ASF1A: variants seen among roughly 807,000 people sequenced by gnomAD.
The protein encoded by ASF1A is anti-silencing function 1A histone chaperone.
ASF1A carries 5 observed loss-of-function variants against 22.0 expected under a neutral mutation model. The observed-to-expected ratio is 0.23, with a 90% CI of 0.12 to 0.48. The LOEUF (loss-of-function observed/expected upper bound fraction) is 0.48. Among genes scored for constraint, ASF1A ranks in the 20% least tolerant of loss-of-function variants. The probability of loss-of-function intolerance (pLI) is 0.99; values close to 1 mark genes in which losing one functional copy is unlikely to be tolerated. For missense variants in ASF1A, 137 were observed against 240.6 expected, an observed-to-expected ratio of 0.57 and a Z score of 2.85; for synonymous variants, 97 against 86.7, an observed-to-expected ratio of 1.12 and a Z score of -0.66.
intron 1 of ASF1A, among the ~76,000 whole-genome samples, chr6:118,896,451 G>A (rs1284114017): frequency 6.6e-5 from 10 of 152,120 alleles, no homozygotes; most frequent in Admixed American, 6.5e-4. Flanking sequence ...GACTCAGGAT[G>A]TCGTTACAGG....
In ASF1A at chr6:118,908,984, A is replaced by T. The variant is rs41292548; in HGVS notation, c.*1370A>T. The stretch of plus-strand genomic sequence containing the variant: ...TGAATTTGTGAAGCAAAGTTTTGCC[A>T]GATGTTAAACTTTGAATTTAATATA... On this transcript the variant is annotated 3_prime_UTR_variant, in exon 4 of 4. Transcript: ENST00000229595. The T allele has an allele frequency of 6.5e-6, 1 of 152,720 alleles. No individual in the cohort carries two copies. Among genetic ancestry groups the T allele is most frequent in the Non-Finnish European group, 1.5e-5 (1 of 68,010 alleles). The allele number at this position is 152,720 out of a possible 1,614,324, so 9.5% of individuals were successfully genotyped here. A position where few individuals can be genotyped will look rare whatever the true frequency, so the allele number is the denominator to read the frequency against.
In ASF1A at chr6:118,907,734, A is replaced by G. The variant is rs1254605290; in HGVS notation, c.*120A>G. The G allele has an allele frequency of 1.3e-6, 1 of 747,572 alleles. No homozygotes were observed. The highest frequency in any genetic ancestry group is 3.0e-5 in the Admixed American group (1 of 33,510). 46.3% of individuals were successfully genotyped at this position (747,572 alleles called of 1,614,324 possible). A position where few individuals can be genotyped will look rare whatever the true frequency, so the allele number is the denominator to read the frequency against. On this transcript the variant is annotated 3_prime_UTR_variant, in exon 4 of 4. Transcript: ENST00000229595. ...AAGAATTTGTTTAAAAACATCCTGT[A>G]GAAAGTTTATAAGAAAACCAGTATT...
intron 1 of ASF1A, among the ~76,000 whole-genome samples, chr6:118,896,647 T>A (rs936430557): frequency 3.3e-5 from 5 of 152,144 alleles, no homozygotes; most frequent in African/African-American, 9.7e-5. Context: ...TTTAGTATTT[T>A]AAAAAATATT....
chr6:118,899,095 T>TGCACA (rs1328043243), intron 1 of ASF1A, among the ~76,000 whole-genome samples: 1 of 152,216 alleles, frequency 6.6e-6, no homozygotes, highest in Middle Eastern at 3.2e-3. Context: ...ATATAACTGT[T>TGCACA]GCACAGCCCC....
intron 1 of ASF1A, among the ~76,000 whole-genome samples, 196 bp downstream of exon 1, chr6:118,894,718 C>T (rs1397678842): frequency 6.6e-6 from 1 of 152,224 alleles, no homozygotes; most frequent in Non-Finnish European, 1.5e-5. Flanking sequence ...AGGCGCCTGC[C>T]GGGCTCAACT....
In ASF1A at chr6:118,905,656, A is replaced by G; in HGVS notation, c.230A>G (p.Asp77Gly). The G allele has an allele frequency of 6.2e-7, 1 of 1,606,218 alleles. No individual in the cohort carries two copies. The highest frequency in any genetic ancestry group is 8.5e-7 in the Non-Finnish European group (1 of 1,176,114). ...AGRHMFVFQA[D>G]APNPGLIPDA... ...TTTCTTTTTAATTTATTCTAGGCTG[A>G]TGCACCTAATCCAGGACTCATTCCA... The change falls in exon 3 of 4, where the codon GAT (aspartate) becomes GGT (glycine). Residue 77 changes from aspartate (D) to glycine (G), a missense_variant. Physicochemically the swap from Asp to Gly is moderately conservative, Grantham distance 94. Transcript: ENST00000229595.
rs758842376 is a variant in ASF1A at position 118,894,364 on chromosome 6, A to C, written c.-50A>C. On this transcript the variant is annotated 5_prime_UTR_variant, in exon 1 of 4. Transcript: ENST00000229595. ...CCCGAGCGGCCGCGCGCTGGACTTT[A>C]TTGTGCCGCAACCAGCCCCAGTTCC... The C allele has an allele frequency of 5.2e-6, 8 of 1,534,752 alleles. No individual in the cohort carries two copies. Among genetic ancestry groups the C allele is most frequent in the Non-Finnish European group, 4.4e-6 (5 of 1,145,544 alleles).
intron 2 of ASF1A, 133 bp from the exon 3 acceptor site, chr6:118,905,519 C>A: frequency 1.6e-6 from 1 of 633,980 alleles, no homozygotes; most frequent in Non-Finnish European, 2.6e-6. Context: ...GAGCATTTTC[C>A]TTCCCAGTAT....
At chr6:118,906,517 T>C (rs1169001733) in intron 3 of ASF1A, among the ~76,000 whole-genome samples, 1 of 152,232 alleles carries the variant, frequency 6.6e-6, no homozygotes, top group East Asian at 1.9e-4. Flanking sequence ...AATGATGATA[T>C]TTTTGTGTGT....
At chr6:118,899,093 G>A (rs1224939940) in intron 1 of ASF1A, among the ~76,000 whole-genome samples, 1 of 152,064 alleles carries the variant, frequency 6.6e-6, no homozygotes, top group Admixed American at 6.5e-5. Flanking sequence ...GAATATAACT[G>A]TTGCACAGCC....
intron 3 of ASF1A, among the ~76,000 whole-genome samples, 177 bp downstream of exon 3, chr6:118,906,005 C>T (rs1463930390): frequency 1.3e-5 from 2 of 152,176 alleles, no homozygotes; most frequent in African/African-American, 4.8e-5. Context: ...TCAAACCCTA[C>T]CTTCAGATGA....
intron 2 of ASF1A, among the ~76,000 whole-genome samples, chr6:118,903,019 A>T (rs906439185): frequency 1.3e-5 from 2 of 152,250 alleles, no homozygotes; most frequent in Admixed American, 6.5e-5. Context: ...ATTATTTGAA[A>T]GGCCTGTAAG....
Position 118,905,832 on chromosome 6 carries a change from A to G in ASF1A, c.402+4A>G. 6.3e-7 allele frequency: 1 copy of G among 1,584,086 alleles called. No homozygotes were observed. Among genetic ancestry groups the G allele is most frequent in the Non-Finnish European group, 8.6e-7 (1 of 1,161,814 alleles). ...AGTAAAACCAGACTTTTCTAAGGTA[A>G]TGTTCTTACTATTCCTTTTTAACTA... On this transcript the variant is annotated splice_donor_region_variant and intron_variant, in intron 3 of 3. Transcript: ENST00000229595.
chr6:118,905,560 A>G (rs1780124746), intron 2 of ASF1A, 92 bp from the exon 3 acceptor site: 1 of 992,952 alleles, frequency 1.0e-6, no homozygotes, highest in Non-Finnish European at 1.4e-6. Context: ...TGCATCCTCA[A>G]CTGATGGTTC....
chr6:118,905,785 C>A lies in ASF1A; in HGVS notation c.359C>A (p.Thr120Lys). 1.2e-6 allele frequency: 2 copies of A among 1,611,536 alleles called. No homozygotes were observed. The highest frequency in any genetic ancestry group is 1.7e-6 in the Non-Finnish European group (2 of 1,178,460). Residue 120 changes from threonine (T) to lysine (K), a missense_variant, in exon 3 of 4, where the codon ACA (threonine) becomes AAA (lysine). By Grantham distance (78) the Thr-to-Lys change is moderately conservative. Coordinates refer to ENST00000229595, the MANE Select transcript of ASF1A (RefSeq NM_014034.3). ...TATGTAAATAATGAATATACTGAGACAGAATTAAGGGAAAATCCACCAGTA... is the reference window on the plus strand; with the variant it reads ...TATGTAAATAATGAATATACTGAGAAAGAATTAAGGGAAAATCCACCAGTA... ...GYYVNNEYTE[T>K]ELRENPPVKP...
At chr6:118,904,367 T>C (rs1780020286) in intron 2 of ASF1A, among the ~76,000 whole-genome samples, 1 of 152,210 alleles carries the variant, frequency 6.6e-6, no homozygotes, top group Admixed American at 6.5e-5. Flanking sequence ...TCTTCAATTT[T>C]CACAAGCTAA....
chr6:118,905,455 A>G (rs538986684), intron 2 of ASF1A, among the ~76,000 whole-genome samples, 197 bp from the exon 3 acceptor site: 1 of 152,206 alleles, frequency 6.6e-6, no homozygotes, highest in African/African-American at 2.4e-5. Flanking sequence ...CCTTACATAT[A>G]TTGTGGCAAA....
Position 118,900,914 on chromosome 6 carries a change from A to G in ASF1A, c.225+33A>G, listed in dbSNP as rs755848874. 7.1e-6 allele frequency: 10 copies of G among 1,417,680 alleles called. No homozygotes were observed. In the East Asian group the frequency reaches 2.0e-4, roughly 29 times the overall value. The allele number at this position is 1,417,680 out of a possible 1,614,324, so 87.8% of individuals were successfully genotyped here. A position where few individuals can be genotyped will look rare whatever the true frequency, so the allele number is the denominator to read the frequency against. ...TAATCTTGGTAAATGTGTATGCCAA[A>G]TATGTTTCGAAGTAGACTATATTAT... is the stretch of plus-strand genomic sequence containing the variant. On this transcript the variant is annotated intron_variant, in intron 2 of 3. Coordinates refer to ENST00000229595, the MANE Select transcript of ASF1A (RefSeq NM_014034.3).
At chr6:118,895,630 T>C (rs1360396549) in intron 1 of ASF1A, among the ~76,000 whole-genome samples, 2 of 152,154 alleles carry the variant, frequency 1.3e-5, no homozygotes, top group African/African-American at 4.8e-5. Context: ...AAAATACGTA[T>C]TTTTAATATC....
Sources: gnomAD v4.1 joint callset for allele counts (sites outside exome capture counted in the v4.1 genomes callset) on GRCh38, gnomAD v4.1.1 for gene constraint, MANE v1.5 for transcripts, NCBI Gene and HGNC (gene_info 2026-07-23, HGNC 2026-07-21) for gene names.